SNRPN: variants seen among roughly 807,000 people sequenced by gnomAD.
SNRPN encodes the protein small nuclear ribonucleoprotein-associated protein N.
Under a neutral mutation model 25.2 loss-of-function variants are expected in SNRPN, and 7 were observed. The ratio of observed to expected loss-of-function variants is 0.28; its 90% CI spans 0.16 to 0.52. The LOEUF is 0.52. SNRPN is among the 20% of genes least tolerant of loss of function. SNRPN has a pLI of 0.96. For missense variants in SNRPN, 196 were observed against 322.5 expected (o/e 0.61, Z 3.00); for synonymous variants, 124 against 110.6 (o/e 1.12, Z -0.76).
At chr15:24,946,778 T>C (rs192753589) in intron 3 of SNRPN, among the ~76,000 whole-genome samples, 55 of 152,338 alleles carry the variant, frequency 3.6e-4, no homozygotes, top group African/African-American at 1.2e-3. Context: ...CACATGGTTT[T>C]TATTTTTTGT....
chr15:24,978,700 A>AT lies in SNRPN; in HGVS notation c.*257dup. ...AATCATATTCTCTTTAATTCTTAGG[A>AT]TAAAAAGGTTTTCTGCTATCTAACT... On this transcript the variant is annotated 3_prime_UTR_variant, in exon 10 of 10. Coordinates refer to ENST00000390687, the MANE Select transcript of SNRPN (RefSeq NM_003097.6). 1.9e-6 allele frequency: 1 copy of AT among 526,856 alleles called. No homozygotes were observed. Among genetic ancestry groups the AT allele is most frequent in the East Asian group, 3.1e-5 (1 of 32,012 alleles). 32.6% of individuals were successfully genotyped at this position (526,856 alleles called of 1,614,324 possible).
intron 2 of SNRPN, among the ~76,000 whole-genome samples, chr15:24,900,303 G>T (rs2058367062): frequency 6.6e-6 from 1 of 152,164 alleles, no homozygotes; most frequent in Non-Finnish European, 1.5e-5. Context: ...ATTTGTTGTA[G>T]CTGCAGGGCT....
intron 2 of SNRPN, among the ~76,000 whole-genome samples, chr15:24,898,776 G>A (rs1349823577): frequency 6.6e-6 from 1 of 152,088 alleles, no homozygotes; most frequent in Non-Finnish European, 1.5e-5. Flanking sequence ...ACACCAGGCC[G>A]TGGGGGCGAT....
At chr15:24,865,979 A>G (rs534829722) in intron 1 of SNRPN, among the ~76,000 whole-genome samples, 4 of 152,222 alleles carry the variant, frequency 2.6e-5, no homozygotes, top group African/African-American at 9.6e-5. Context: ...GAAGTCACCG[A>G]CCGTAATAGT....
intron 1 of SNRPN, among the ~76,000 whole-genome samples, chr15:24,861,579 T>A (rs1028761545): frequency 4.6e-5 from 7 of 152,324 alleles, no homozygotes; most frequent in Admixed American, 2.0e-4. Context: ...AAACTAAGGC[T>A]ACACTTAATT....
intron 3 of SNRPN, among the ~76,000 whole-genome samples, chr15:24,969,695 G>T (rs1297854865): frequency 6.6e-6 from 1 of 152,128 alleles, no homozygotes; most frequent in Non-Finnish European, 1.5e-5. Flanking sequence ...ATTATAGTCT[G>T]CAAGTAGGAC....
At chr15:24,914,872 A>G (rs1218310433) in intron 2 of SNRPN, among the ~76,000 whole-genome samples, 1 of 152,130 alleles carries the variant, frequency 6.6e-6, no homozygotes, top group South Asian at 2.1e-4. Flanking sequence ...ATTGCTCTGA[A>G]CTCCAAATAG....
chr15:24,877,693 CACAA>C lies in SNRPN; in HGVS notation c.-578-8819_-578-8816del, dbSNP rs1169030603. 1.7e-3 allele frequency among the ~76,000 whole-genome samples: 206 copies of C among 124,724 alleles called. 2 individuals carry two copies. The East Asian group carries it at 0.025, about 15-fold the overall frequency. The allele number at this position is 124,724 out of a possible 152,430, so 81.8% of individuals were successfully genotyped here. A position where few individuals can be genotyped will look rare whatever the true frequency, so the allele number is the denominator to read the frequency against. ...ACACACACACACACACACACACACA[CACAA>C]ACACACTAGCCGGGCGCAGTGGCGC... On this transcript the variant is annotated intron_variant, in intron 1 of 11. Coordinates refer to the SNRPN transcript ENST00000400097.
chr15:24,903,503 T>G (rs1449465455), intron 2 of SNRPN, among the ~76,000 whole-genome samples: 2 of 152,202 alleles, frequency 1.3e-5, no homozygotes, highest in Non-Finnish European at 2.9e-5. Context: ...CATCATTCTC[T>G]TCATCCACTC....
chr15:24,881,586 A>AGG (rs1566864382), intron 1 of SNRPN, among the ~76,000 whole-genome samples: 1 of 66,670 alleles, frequency 1.5e-5, no homozygotes. Flanking sequence ...GGAGGGAGGG[A>AGG]GAGAGAGAGA....
chr15:24,827,342 G>A (rs1315693337), intron 1 of SNRPN, among the ~76,000 whole-genome samples: 1 of 151,250 alleles, frequency 6.6e-6, no homozygotes, highest in Non-Finnish European at 1.5e-5. Flanking sequence ...GTGAAACACC[G>A]TCTCTACTAA....
chr15:24,834,910 C>T (rs1246688236), intron 2 of SNRPN, among the ~76,000 whole-genome samples: 2 of 118,586 alleles, frequency 1.7e-5, no homozygotes, highest in Admixed American at 9.7e-5. Context: ...GGCAACAGAG[C>T]GAGACTCCAT....
chr15:24,833,925 CTTTAT>C (rs1217795906), intron 2 of SNRPN, among the ~76,000 whole-genome samples: 1 of 151,998 alleles, frequency 6.6e-6, no homozygotes, highest in Non-Finnish European at 1.5e-5. Flanking sequence ...CATTGCATTT[CTTTAT>C]TTTATTTTAT....
At chr15:24,967,033 T>C (rs2075741755) in intron 2 of SNRPN, 1 of 152,148 alleles carries the variant, frequency 6.6e-6, no homozygotes. Context: ...TTTCAGGTAG[T>C]GACTTGTCAG....
At chr15:24,864,953 T>C (rs2054425100) in intron 1 of SNRPN, among the ~76,000 whole-genome samples, 1 of 152,018 alleles carries the variant, frequency 6.6e-6, no homozygotes, top group Non-Finnish European at 1.5e-5. Flanking sequence ...GAAAAAGAGC[T>C]ATAAATATTC....
intron 2 of SNRPN, among the ~76,000 whole-genome samples, chr15:24,894,826 A>G (rs1449325755): frequency 6.6e-6 from 1 of 152,166 alleles, no homozygotes; most frequent in African/African-American, 2.4e-5. Flanking sequence ...TCCAGAATGA[A>G]GTGTCCCAGC....
chr15:24,932,532 C>T (rs1193192782), intron 3 of SNRPN, among the ~76,000 whole-genome samples: 3 of 152,018 alleles, frequency 2.0e-5, no homozygotes, highest in Non-Finnish European at 4.4e-5. Flanking sequence ...CTGTGCCCAG[C>T]GTAAGACCTA....
At chr15:24,932,108 G>A (rs954852853) in intron 3 of SNRPN, among the ~76,000 whole-genome samples, 2 of 152,114 alleles carry the variant, frequency 1.3e-5, no homozygotes, top group African/African-American at 4.8e-5. Flanking sequence ...ATTCATTTGG[G>A]AGGCTTCACT....
intron 1 of SNRPN, among the ~76,000 whole-genome samples, chr15:24,873,385 G>GTGATCCGCCCGCCTCAGCCTCACAAA (rs1245047278): frequency 8.8e-6 from 1 of 114,026 alleles, no homozygotes; most frequent in African/African-American, 3.0e-5. Context: ...GGAGTGCAAT[G>GTGATCCGCCCGCCTCAGCCTCACAAA]GCACGATCCC....
Sources: allele counts gnomAD v4.1 joint callset (sites outside exome capture counted in the v4.1 genomes callset), GRCh38; gene constraint gnomAD v4.1.1; transcripts MANE v1.5; gene names NCBI Gene and HGNC (gene_info 2026-07-23, HGNC 2026-07-21).